The following ABCB1 variants were observed in gnomAD, a reference collection of about 807,000 sequenced individuals.
The protein encoded by ABCB1 is ATP binding cassette subfamily B member 1.
A neutral mutation model predicts 142.0 loss-of-function variants in ABCB1; 69 were observed. The ratio of observed to expected loss-of-function variants is 0.49; its 90% CI spans 0.40 to 0.59. ABCB1 has a LOEUF of 0.59. ABCB1 is among the 20% of genes least tolerant of loss of function. The pLI, the probability that ABCB1 is intolerant of heterozygous loss-of-function variation, is 0.00. For missense variants in ABCB1, 1,326 were observed against 1,554.7 expected (o/e 0.85, Z 2.47); for synonymous variants, 532 against 539.2 (o/e 0.99, Z 0.18).
intron 1 of ABCB1, among the ~76,000 whole-genome samples, chr7:87,649,172 A>G (rs937664851): frequency 1.8e-4 from 27 of 152,328 alleles, no homozygotes; most frequent in Non-Finnish European, 1.5e-4. Flanking sequence ...TTGAGGTGAC[A>G]GGACTGTTTT....
intron 24 of ABCB1, among the ~76,000 whole-genome samples, chr7:87,516,275 T>A (rs1815243590): frequency 6.6e-6 from 1 of 152,136 alleles, no homozygotes; most frequent in African/African-American, 2.4e-5. Flanking sequence ...AAAAATCTGA[T>A]TAATAGGTTT....
intron 1 of ABCB1, among the ~76,000 whole-genome samples, chr7:87,703,152 A>C (rs531001828): frequency 2.0e-5 from 3 of 152,282 alleles, no homozygotes; most frequent in Non-Finnish European, 4.4e-5. Flanking sequence ...ACGATTATAG[A>C]ATTATAAATT....
At chr7:87,508,454 G>A (rs1167979090) in intron 26 of ABCB1, among the ~76,000 whole-genome samples, 1 of 152,102 alleles carries the variant, frequency 6.6e-6, no homozygotes. Flanking sequence ...TTTGGACAAG[G>A]AATAGTCAAC....
chr7:87,682,889 A>T (rs1447099341), intron 1 of ABCB1, among the ~76,000 whole-genome samples: 1 of 152,176 alleles, frequency 6.6e-6, no homozygotes, highest in Non-Finnish European at 1.5e-5. Context: ...CTCTTCTTTT[A>T]CTATGAAAGG....
chr7:87,648,836 G>T (rs1217299998), intron 1 of ABCB1, among the ~76,000 whole-genome samples: 1 of 151,666 alleles, frequency 6.6e-6, no homozygotes, highest in African/African-American at 2.4e-5. Flanking sequence ...TTACTGTTAT[G>T]GTCCTGTACT....
At chr7:87,670,621 A>G (rs967330216) in intron 1 of ABCB1, among the ~76,000 whole-genome samples, 2 of 152,130 alleles carry the variant, frequency 1.3e-5, no homozygotes, top group African/African-American at 2.4e-5. Flanking sequence ...CTTTATCTGC[A>G]TTGTAGATTA....
At chr7:87,514,626 C>A (rs1012781811) in intron 25 of ABCB1, among the ~76,000 whole-genome samples, 7 of 152,324 alleles carry the variant, frequency 4.6e-5, no homozygotes, top group Admixed American at 1.3e-4. Flanking sequence ...CCTCCCCACT[C>A]AAGTGCTGTC....
intron 26 of ABCB1, 65 bp from the exon 27 acceptor site, chr7:87,506,108 A>G: frequency 6.5e-7 from 1 of 1,543,496 alleles, no homozygotes; most frequent in Admixed American, 1.7e-5. Context: ...GCTTGCTTAT[A>G]GAAAGTAGGA....
chr7:87,550,326 A>G, intron 11 of ABCB1, 30 bp from the exon 12 acceptor site: 1 of 1,614,052 alleles, frequency 6.2e-7, no homozygotes, highest in East Asian at 2.2e-5. Flanking sequence ...AAAAACTTCA[A>G]GGCAATTCAC....
At chr7:87,620,141 T>C (rs1260348835) in intron 1 of ABCB1, among the ~76,000 whole-genome samples, 2 of 152,076 alleles carry the variant, frequency 1.3e-5, no homozygotes, top group Non-Finnish European at 2.9e-5. Flanking sequence ...GAGTAACTCA[T>C]TTTTTTCTTT....
intron 1 of ABCB1, chr7:87,629,217 G>A (rs1306183175): frequency 2.9e-6 from 1 of 347,790 alleles, no homozygotes; most frequent in Non-Finnish European, 5.2e-6. Context: ...TTTTGAATGT[G>A]CAATCTAGCG....
At chr7:87,551,062 C>T (rs1817045494) in intron 9 of ABCB1, among the ~76,000 whole-genome samples, 1 of 152,148 alleles carries the variant, frequency 6.6e-6, no homozygotes, top group Admixed American at 6.5e-5. Flanking sequence ...CATTCTGTCA[C>T]CCAGGATGGA....
At chr7:87,666,321 C>T (rs1825245039) in intron 1 of ABCB1, among the ~76,000 whole-genome samples, 1 of 152,064 alleles carries the variant, frequency 6.6e-6, no homozygotes, top group East Asian at 1.9e-4. Flanking sequence ...CTTTTGCCCA[C>T]ATTTTTATGG....
intron 4 of ABCB1, among the ~76,000 whole-genome samples, chr7:87,579,778 T>A (rs951292112): frequency 1.2e-4 from 19 of 152,204 alleles, no homozygotes; most frequent in African/African-American, 4.6e-4. Context: ...TGGTGGTATG[T>A]TTTAATGTCT....
chr7:87,518,064 A>C (rs1815330208), intron 23 of ABCB1, among the ~76,000 whole-genome samples: 1 of 152,178 alleles, frequency 6.6e-6, no homozygotes, highest in Non-Finnish European at 1.5e-5. Context: ...TTTTTTAAAC[A>C]CAAGCCTGGA....
intron 1 of ABCB1, among the ~76,000 whole-genome samples, chr7:87,699,923 A>G (rs1457782711): frequency 1.3e-5 from 2 of 152,146 alleles, no homozygotes; most frequent in Non-Finnish European, 1.5e-5. Flanking sequence ...GATTTTATTT[A>G]TTTATAAAGT....
intron 1 of ABCB1, among the ~76,000 whole-genome samples, chr7:87,630,957 A>G (rs1463412624): frequency 2.6e-5 from 4 of 152,280 alleles, no homozygotes; most frequent in African/African-American, 9.6e-5. Context: ...AGCTCTCTGT[A>G]TTAGTTGTAT....
intron 27 of ABCB1, 97 bp from the exon 28 acceptor site, chr7:87,504,546 C>A: frequency 2.0e-6 from 3 of 1,509,368 alleles, no homozygotes; most frequent in Non-Finnish European, 2.7e-6. Context: ...TGGTGGCTCA[C>A]GCCTGTAATC....
At chr7:87,512,465 A>G (rs1391259534) in intron 25 of ABCB1, among the ~76,000 whole-genome samples, 1 of 152,194 alleles carries the variant, frequency 6.6e-6, no homozygotes, top group African/African-American at 2.4e-5. Context: ...TCTTGAGGCC[A>G]TTCTAATATT....
Sources: gnomAD v4.1 joint callset for allele counts (sites outside exome capture counted in the v4.1 genomes callset) on GRCh38, gnomAD v4.1.1 for gene constraint, MANE v1.5 for transcripts, NCBI Gene and HGNC (gene_info 2026-07-23, HGNC 2026-07-21) for gene names.